Variants in ELMO1 observed in about 807,000 individuals in gnomAD.
ELMO1 encodes the protein engulfment and cell motility protein 1.
A neutral mutation model predicts 98.9 loss-of-function variants in ELMO1; 26 were observed. That is an observed-to-expected ratio of 0.26 (90% CI 0.19 to 0.36). The LOEUF is 0.36. Ranked by LOEUF, ELMO1 falls within the 10% of genes least tolerant of loss-of-function variation. The pLI is 1.00. For synonymous variants in ELMO1, 346 were observed against 346.0 expected, an observed-to-expected ratio of 1.00 and a Z score of 0.00; for missense variants, 627 against 935.2, an observed-to-expected ratio of 0.67 and a Z score of 4.30.
intron 16 of ELMO1, 89 bp from the exon 17 acceptor site, chr7:36,895,106 C>A: frequency 6.8e-7 from 1 of 1,468,570 alleles, no homozygotes; most frequent in Admixed American, 1.9e-5. Flanking sequence ...CCCTGCTTCC[C>A]TGGTGCCCTC....
chr7:37,096,177 C>T (rs975305579), intron 15 of ELMO1, among the ~76,000 whole-genome samples: 7 of 152,032 alleles, frequency 4.6e-5, no homozygotes, highest in Non-Finnish European at 1.0e-4. Flanking sequence ...GAAAGTATTC[C>T]AAACAACAGA....
chr7:37,205,249 C>T (rs1446863972), intron 13 of ELMO1, among the ~76,000 whole-genome samples: 1 of 152,180 alleles, frequency 6.6e-6, no homozygotes, highest in Non-Finnish European at 1.5e-5. Context: ...TAGAAAGTTG[C>T]TGCAAATAAG....
At position 37,086,588 on chromosome 7, in the gene ELMO1, CA is replaced by C. The variant is rs1009795143; in HGVS notation, c.1300+10030del. On this transcript the variant is annotated intron_variant, in intron 15 of 21. Coordinates refer to ENST00000310758, the MANE Select transcript of ELMO1 (RefSeq NM_014800.11). ...TGAAAACCCATCTCTACTAAAAATA[CA>C]AAAATTAGCCCAGTGTGGTGGTGCA... is the stretch of plus-strand genomic sequence containing the variant. Among the ~76,000 whole-genome samples the C allele has an allele frequency of 4.7e-3, 717 of 151,460 alleles. 2 individuals are homozygous for C. Among genetic ancestry groups the C allele is most frequent in the African/African-American group, 0.017 (688 of 41,258 alleles).
At chr7:37,147,458 C>G (rs914430620) in intron 13 of ELMO1, among the ~76,000 whole-genome samples, 5 of 152,142 alleles carry the variant, frequency 3.3e-5, no homozygotes, top group Non-Finnish European at 7.3e-5. Context: ...GTGTGATACC[C>G]CAGGTTCAAT....
intron 1 of ELMO1, among the ~76,000 whole-genome samples, chr7:37,404,842 GA>G (rs370272613): frequency 1.3e-5 from 2 of 152,184 alleles, no homozygotes; most frequent in Non-Finnish European, 2.9e-5. Context: ...GTTACTTGAT[GA>G]AAAACAAAAT....
At chr7:37,119,932 T>G (rs1423928986) in intron 14 of ELMO1, among the ~76,000 whole-genome samples, 1 of 152,380 alleles carries the variant, frequency 6.6e-6, no homozygotes, top group South Asian at 2.1e-4. Flanking sequence ...CTCCAGATTG[T>G]ATACATTAAT....
chr7:36,890,775 A>T (rs1805482876), intron 17 of ELMO1, among the ~76,000 whole-genome samples: 1 of 152,160 alleles, frequency 6.6e-6, no homozygotes, highest in Admixed American at 6.5e-5. Context: ...TTAAACACCT[A>T]AGTCACATCA....
intron 7 of ELMO1, 91 bp downstream of exon 7, chr7:37,244,265 T>C: frequency 6.9e-6 from 9 of 1,299,664 alleles, no homozygotes; most frequent in Non-Finnish European, 8.5e-6. Flanking sequence ...ACTAGATGCA[T>C]AGTTATACAA....
At chr7:37,098,462 C>T (rs1323883314) in intron 14 of ELMO1, among the ~76,000 whole-genome samples, 1 of 152,078 alleles carries the variant, frequency 6.6e-6, no homozygotes, top group East Asian at 1.9e-4. Flanking sequence ...ACCAGGTGAT[C>T]AAGGAAGGTT....
At position 37,042,408 on chromosome 7, in the gene ELMO1, A is replaced by G. The variant is rs148861735; in HGVS notation, c.1301-28973T>C. ...ATTAACCCTACTGCTGCTGGTAGGC[A>G]CTGATTTCTCTTAGTTGAATTCTGA... On this transcript the variant is annotated intron_variant, in intron 15 of 21. Coordinates refer to ENST00000310758, the MANE Select transcript of ELMO1 (RefSeq NM_014800.11). Among the ~76,000 whole-genome samples, 1,361 of 152,196 alleles carry G rather than the reference A, an allele frequency of 8.9e-3. 6 individuals are homozygous for G. Among genetic ancestry groups the G allele is most frequent in the Middle Eastern group, 0.014 (4 of 294 alleles).
chr7:37,192,466 T>A (rs1192186674), intron 13 of ELMO1, among the ~76,000 whole-genome samples: 1 of 124,954 alleles, frequency 8.0e-6, no homozygotes, highest in Admixed American at 9.4e-5. Context: ...CTGAACTCCA[T>A]CCAGCCTGGC....
chr7:37,308,500 C>T (rs925559914), intron 4 of ELMO1, among the ~76,000 whole-genome samples: 1 of 152,202 alleles, frequency 6.6e-6, no homozygotes, highest in Non-Finnish European at 1.5e-5. Flanking sequence ...TAGATCTCTG[C>T]CTAAATGTCA....
At chr7:37,229,729 T>G (rs1489093251) in intron 8 of ELMO1, among the ~76,000 whole-genome samples, 1 of 152,248 alleles carries the variant, frequency 6.6e-6, no homozygotes, top group Non-Finnish European at 1.5e-5. Context: ...GTAAGTAATT[T>G]TCTGATGACT....
chr7:36,928,735 C>T (rs1488663070), intron 16 of ELMO1, among the ~76,000 whole-genome samples: 2 of 152,192 alleles, frequency 1.3e-5, no homozygotes, highest in African/African-American at 4.8e-5. Flanking sequence ...GTCAGTCATC[C>T]CACCCACCAG....
chr7:37,223,453 C>A (rs902375771), intron 9 of ELMO1, among the ~76,000 whole-genome samples: 7 of 152,284 alleles, frequency 4.6e-5, no homozygotes, highest in Middle Eastern at 3.4e-3. Context: ...GAGTATCCCC[C>A]AAGGCACAGT....
At chr7:37,354,555 G>C (rs995062569) in intron 1 of ELMO1, among the ~76,000 whole-genome samples, 5 of 152,186 alleles carry the variant, frequency 3.3e-5, no homozygotes, top group African/African-American at 1.2e-4. Flanking sequence ...TTGCGCTTTG[G>C]GAATCAGCAT....
At chr7:37,086,991 T>C (rs1455217069) in intron 15 of ELMO1, among the ~76,000 whole-genome samples, 3 of 152,234 alleles carry the variant, frequency 2.0e-5, no homozygotes, top group African/African-American at 7.2e-5. Context: ...CTCTATTTAT[T>C]TGAAATGTCT....
intron 16 of ELMO1, among the ~76,000 whole-genome samples, chr7:36,954,672 T>C (rs1220572105): frequency 6.6e-6 from 1 of 152,092 alleles, no homozygotes; most frequent in East Asian, 1.9e-4. Context: ...TCTCAGAAGG[T>C]GAGTCCAAGG....
At chr7:36,911,483 G>A (rs577923049) in intron 16 of ELMO1, among the ~76,000 whole-genome samples, 155 of 152,166 alleles carry the variant, frequency 1.0e-3, no homozygotes, top group Admixed American at 1.7e-3. Flanking sequence ...TTGGCATAAC[G>A]GCTTCCAAAC....
Sources: allele counts gnomAD v4.1 joint callset (sites outside exome capture counted in the v4.1 genomes callset), GRCh38; gene constraint gnomAD v4.1.1; transcripts MANE v1.5; gene names NCBI Gene and HGNC (gene_info 2026-07-23, HGNC 2026-07-21).